The following PPP2R5E variants were observed in gnomAD, a reference collection of about 807,000 sequenced individuals.
PPP2R5E encodes serine/threonine-protein phosphatase 2A 56 kDa regulatory subunit epsilon isoform.
PPP2R5E carries 4 observed loss-of-function variants against 65.3 expected under a neutral mutation model. The observed-to-expected ratio is 0.06, with a 90% CI of 0.03 to 0.14. The LOEUF is 0.14. Among genes scored for constraint, PPP2R5E ranks in the 10% least tolerant of loss-of-function variants. The pLI is 1.00. For missense variants in PPP2R5E, 274 were observed against 556.1 expected (o/e 0.49, Z 5.10); for synonymous variants, 183 against 187.4 (o/e 0.98, Z 0.19).
intron 11 of PPP2R5E, among the ~76,000 whole-genome samples, chr14:63,388,760 C>T (rs1179882697): frequency 6.6e-6 from 1 of 152,186 alleles, no homozygotes; most frequent in African/African-American, 2.4e-5. Flanking sequence ...GCATAGTTGA[C>T]AGCTTAGGGA....
At chr14:63,425,874 A>C (rs562870413) in intron 3 of PPP2R5E, among the ~76,000 whole-genome samples, 17 of 152,298 alleles carry the variant, frequency 1.1e-4, no homozygotes, top group African/African-American at 4.1e-4. Context: ...CTTAGTCAAA[A>C]CTTCATCTCT....
chr14:63,528,633 T>C (rs751416474), intron 2 of PPP2R5E, among the ~76,000 whole-genome samples: 16 of 152,202 alleles, frequency 1.1e-4, no homozygotes, highest in Non-Finnish European at 2.2e-4. Context: ...TAAACAAGTT[T>C]ATATTTTGTG....
intron 3 of PPP2R5E, chr14:63,452,293 C>T (rs1438566375): frequency 6.6e-6 from 1 of 152,204 alleles, no homozygotes; most frequent in African/African-American, 2.4e-5. Context: ...TCCTCTGCAT[C>T]ACATTAAGAG....
At chr14:63,516,602 T>A (rs951063298) in intron 2 of PPP2R5E, among the ~76,000 whole-genome samples, 1 of 152,224 alleles carries the variant, frequency 6.6e-6, no homozygotes, top group African/African-American at 2.4e-5. Flanking sequence ...CGATTTCCTA[T>A]CTGTCCACGT....
At chr14:63,401,847 A>G (rs922356161) in intron 5 of PPP2R5E, among the ~76,000 whole-genome samples, 2 of 152,174 alleles carry the variant, frequency 1.3e-5, no homozygotes, top group African/African-American at 4.8e-5. Context: ...GAAGAAAGCC[A>G]ACGAGAAGCA....
intron 2 of PPP2R5E, among the ~76,000 whole-genome samples, chr14:63,454,983 C>T (rs189957000): frequency 6.6e-6 from 1 of 152,322 alleles, no homozygotes; most frequent in Admixed American, 6.5e-5. Flanking sequence ...GGCAAAGTGC[C>T]CAGGTCTCTA....
At chr14:63,446,973 G>A (rs1431475875) in intron 3 of PPP2R5E, among the ~76,000 whole-genome samples, 1 of 152,158 alleles carries the variant, frequency 6.6e-6, no homozygotes, top group Non-Finnish European at 1.5e-5. Context: ...TAAGCAGTGG[G>A]CCTCAACAGT....
intron 2 of PPP2R5E, among the ~76,000 whole-genome samples, chr14:63,528,033 C>A (rs1032648824): frequency 9.3e-5 from 14 of 151,316 alleles, no homozygotes; most frequent in Non-Finnish European, 1.5e-4. Flanking sequence ...ATGCTTAATT[C>A]TACTGTAACA....
At chr14:63,438,997 A>C (rs1888075900) in intron 3 of PPP2R5E, among the ~76,000 whole-genome samples, 1 of 152,160 alleles carries the variant, frequency 6.6e-6, no homozygotes, top group South Asian at 2.1e-4. Context: ...CCCAAAAAAA[A>C]AAGGTATGAA....
At chr14:63,428,810 T>C (rs1321524634) in intron 3 of PPP2R5E, among the ~76,000 whole-genome samples, 1 of 152,230 alleles carries the variant, frequency 6.6e-6, no homozygotes, top group Non-Finnish European at 1.5e-5. Context: ...AAAATACAAC[T>C]GTTATATTTC....
In PPP2R5E at chr14:63,375,107, T is replaced by C. The variant is rs1883915409; in HGVS notation, c.*902A>G. 2 of 152,562 alleles carry C rather than the reference T, an allele frequency of 1.3e-5. No individual in the cohort carries two copies. The highest frequency in any genetic ancestry group is 6.5e-5 in the Admixed American group (1 of 15,282). The allele number at this position is 152,562 out of a possible 1,614,324, so 9.5% of individuals were successfully genotyped here. ...TTAGATTTGCAATCCCGGTGATCAA[T>C]TTCATGGTTGTATTGTTTAGTGTTT... On this transcript the variant is annotated 3_prime_UTR_variant, in exon 14 of 14. Coordinates refer to ENST00000337537, the MANE Select transcript of PPP2R5E (RefSeq NM_006246.5).
chr14:63,384,100 C>T (rs1884521391), intron 12 of PPP2R5E, among the ~76,000 whole-genome samples: 1 of 152,134 alleles, frequency 6.6e-6, no homozygotes, highest in Non-Finnish European at 1.5e-5. Flanking sequence ...TCTGAAAGGG[C>T]TCTCCCCATG....
At position 63,396,579 on chromosome 14, in the gene PPP2R5E, C is replaced by T. The variant is rs1222608504; in HGVS notation, c.680+7G>A. On this transcript the variant is annotated splice_region_variant and intron_variant, in intron 6 of 13. Transcript: ENST00000337537. ...TTCTCCTTCTTCCCCCATCACACTC[C>T]ACTTACCTTAGAAAAATATTGTTAA... is the stretch of plus-strand genomic sequence containing the variant. The T allele has an allele frequency of 6.2e-7, 1 of 1,611,574 alleles. No individual in the cohort carries two copies. Among genetic ancestry groups the T allele is most frequent in the South Asian group, 1.1e-5 (1 of 90,940 alleles).
intron 2 of PPP2R5E, among the ~76,000 whole-genome samples, chr14:63,498,243 G>C (rs556822557): frequency 6.6e-6 from 1 of 152,262 alleles, no homozygotes; most frequent in East Asian, 1.9e-4. Context: ...CAGTGAAAAA[G>C]CAAAGATTGC....
intron 5 of PPP2R5E, among the ~76,000 whole-genome samples, chr14:63,403,208 C>T (rs1489727078): frequency 6.6e-6 from 1 of 151,948 alleles, no homozygotes; most frequent in Non-Finnish European, 1.5e-5. Flanking sequence ...GGGCTGATCA[C>T]TTGAGGTCAG....
intron 2 of PPP2R5E, among the ~76,000 whole-genome samples, chr14:63,503,169 T>C (rs1005278655): frequency 1.1e-4 from 16 of 152,042 alleles, no homozygotes; most frequent in Non-Finnish European, 2.9e-5. Context: ...TTTTAACTAC[T>C]GTATGTACAG....
At chr14:63,429,371 A>G (rs536328124) in intron 3 of PPP2R5E, among the ~76,000 whole-genome samples, 5 of 152,226 alleles carry the variant, frequency 3.3e-5, no homozygotes, top group Non-Finnish European at 7.3e-5. Context: ...GAATTTTAAG[A>G]TTACATCTAA....
At chr14:63,391,771 A>G (rs1885038441) in intron 10 of PPP2R5E, 46 bp downstream of exon 10, 1 of 1,590,518 alleles carries the variant, frequency 6.3e-7, no homozygotes, top group Admixed American at 1.7e-5. Context: ...GGCACTCAGC[A>G]AAATATTCAG....
intron 2 of PPP2R5E, chr14:63,508,268 T>C: frequency 1.0e-6 from 1 of 968,246 alleles, no homozygotes; most frequent in Non-Finnish European, 1.2e-6. Context: ...CTCACTTGTT[T>C]ACCCCAATGC....
Sources: allele counts gnomAD v4.1 joint callset (sites outside exome capture counted in the v4.1 genomes callset), GRCh38; gene constraint gnomAD v4.1.1; transcripts MANE v1.5; gene names NCBI Gene and HGNC (gene_info 2026-07-23, HGNC 2026-07-21).